The following METTL15 variants were observed in gnomAD, a reference collection of about 807,000 sequenced individuals.
METTL15 encodes the protein 12S rRNA N(4)-cytidine methyltransferase METTL15.
In METTL15, 34 loss-of-function variants were observed where a neutral mutation model predicts 38.3. That is an observed-to-expected ratio of 0.89 (90% CI 0.68 to 1.18). The LOEUF (loss-of-function observed/expected upper bound fraction) is 1.18, where lower values mean the gene tolerates loss of function less well. METTL15 is among the 50% of genes most tolerant of loss of function. METTL15 has a pLI of 0.00. For missense variants in METTL15, 438 were observed against 498.4 expected (o/e 0.88, Z 1.15); for synonymous variants, 162 against 170.9 (o/e 0.95, Z 0.41).
chr11:28,247,038 A>G (rs964906083), intron 4 of METTL15, among the ~76,000 whole-genome samples: 5 of 152,142 alleles, frequency 3.3e-5, no homozygotes, highest in South Asian at 2.1e-4. Context: ...TAAATACTGT[A>G]TTAGTATGAT....
intron 4 of METTL15, among the ~76,000 whole-genome samples, chr11:28,217,166 A>G (rs1306484399): frequency 6.6e-6 from 1 of 152,166 alleles, no homozygotes; most frequent in Non-Finnish European, 1.5e-5. Flanking sequence ...GAACTAGTTT[A>G]CAGTCCCACC....
intron 5 of METTL15, among the ~76,000 whole-genome samples, chr11:28,383,776 C>T (rs571789067): frequency 6.6e-6 from 1 of 152,162 alleles, no homozygotes; most frequent in African/African-American, 2.4e-5. Flanking sequence ...TCAAAAGTGT[C>T]TATTAGTGTC....
At chr11:28,459,624 T>C (rs1196066940) in intron 6 of METTL15, among the ~76,000 whole-genome samples, 1 of 152,206 alleles carries the variant, frequency 6.6e-6, no homozygotes, top group Non-Finnish European at 1.5e-5. Context: ...AAAGATCCCT[T>C]AAATGAATGT....
At position 28,373,958 on chromosome 11, in the gene METTL15, C is replaced by A. The variant is rs1410964922; in HGVS notation, c.*358+11922C>A. On this transcript the variant is annotated intron_variant and NMD_transcript_variant, in intron 5 of 7. Coordinates refer to the METTL15 transcript ENST00000532947. ...CATTGCTTGTTTTTGTCAGGTTTGT[C>A]AAAGATCAGATAGTTGTAGTTATGC... Among the ~76,000 whole-genome samples, 3 of 152,056 alleles carry A rather than the reference C, an allele frequency of 2.0e-5. No homozygotes were observed. The East Asian group carries it at 5.8e-4, about 29-fold the overall frequency.
chr11:28,487,640 T>A (rs982225441), intron 6 of METTL15, among the ~76,000 whole-genome samples: 5 of 152,108 alleles, frequency 3.3e-5, no homozygotes, highest in African/African-American at 9.6e-5. Context: ...CTTTTTAAAA[T>A]TTTTTATTTT....
chr11:28,315,515 T>A (rs1857447953), intron 6 of METTL15, among the ~76,000 whole-genome samples: 1 of 152,168 alleles, frequency 6.6e-6, no homozygotes, highest in Non-Finnish European at 1.5e-5. Context: ...TTTGGATAAT[T>A]TGCAGCCTGA....
intron 6 of METTL15, among the ~76,000 whole-genome samples, chr11:28,324,472 T>C (rs1435114518): frequency 6.6e-6 from 1 of 152,218 alleles, no homozygotes; most frequent in Non-Finnish European, 1.5e-5. Flanking sequence ...CCATTGCATG[T>C]ACAAATAATT....
chr11:28,399,541 T>C (rs1217862738), intron 5 of METTL15, among the ~76,000 whole-genome samples: 2 of 151,966 alleles, frequency 1.3e-5, no homozygotes, highest in African/African-American at 4.8e-5. Flanking sequence ...TCATTTATCT[T>C]CATAGCACAT....
Position 28,340,663 on chromosome 11 carries a change from C to G in METTL15, c.*190-11427C>G, listed in dbSNP as rs1331021689. 5.3e-5 allele frequency among the ~76,000 whole-genome samples: 8 copies of G among 152,138 alleles called. 1 individual carries two copies. Among genetic ancestry groups the G allele is most frequent in the Admixed American group, 5.2e-4 (8 of 15,262 alleles). On this transcript the variant is annotated intron_variant and NMD_transcript_variant, in intron 3 of 7. Transcript: ENST00000532947. ...GCTAGAATGGTGATCATTAAAAAGTCAGGAAACAACAGATCTGGAGAGGAT... is the reference window on the plus strand; with the variant it reads ...GCTAGAATGGTGATCATTAAAAAGTGAGGAAACAACAGATCTGGAGAGGAT...
intron 6 of METTL15, among the ~76,000 whole-genome samples, chr11:28,313,387 T>C (rs1048391226): frequency 3.3e-5 from 5 of 151,974 alleles, no homozygotes; most frequent in African/African-American, 1.2e-4. Context: ...TTCATAATCA[T>C]AAAGATCATG....
At chr11:28,136,842 C>A (rs2065513683) in intron 3 of METTL15, among the ~76,000 whole-genome samples, 1 of 151,280 alleles carries the variant, frequency 6.6e-6, no homozygotes, top group Non-Finnish European at 1.5e-5. Flanking sequence ...GGTTCAAAAG[C>A]ATGTGATATT....
chr11:28,392,067 A>T (rs1850514982), intron 5 of METTL15, among the ~76,000 whole-genome samples: 1 of 152,254 alleles, frequency 6.6e-6, no homozygotes, highest in South Asian at 2.1e-4. Context: ...TCTACTCTTC[A>T]GACAAAGGGC....
chr11:28,183,094 T>C (rs1190734557), intron 3 of METTL15, among the ~76,000 whole-genome samples: 1 of 152,154 alleles, frequency 6.6e-6, no homozygotes, highest in Non-Finnish European at 1.5e-5. Context: ...TTGTGATTTT[T>C]GCACATTGAT....
chr11:28,292,393 C>CT (rs764346073), intron 5 of METTL15, among the ~76,000 whole-genome samples: 6 of 151,926 alleles, frequency 3.9e-5, no homozygotes, highest in Non-Finnish European at 7.4e-5. Context: ...TGAACTCATC[C>CT]TTTTTTATGG....
At chr11:28,375,354 G>C (rs1340065298) in intron 5 of METTL15, among the ~76,000 whole-genome samples, 5 of 151,574 alleles carry the variant, frequency 3.3e-5, no homozygotes, top group Non-Finnish European at 5.9e-5. Context: ...GCCTGTTATT[G>C]GTCTATTCAG....
At chr11:28,201,076 A>G (rs1490920644) in intron 3 of METTL15, among the ~76,000 whole-genome samples, 2 of 152,154 alleles carry the variant, frequency 1.3e-5, no homozygotes, top group African/African-American at 4.8e-5. Context: ...TTATTTTGAG[A>G]TATATTCCAT....
At chr11:28,231,290 A>G (rs1487058903) in intron 4 of METTL15, among the ~76,000 whole-genome samples, 2 of 151,910 alleles carry the variant, frequency 1.3e-5, no homozygotes, top group Non-Finnish European at 2.9e-5. Context: ...TGGAATAACT[A>G]TGTTATTTAA....
intron 4 of METTL15, among the ~76,000 whole-genome samples, chr11:28,213,733 G>A: frequency 6.8e-6 from 1 of 146,600 alleles, no homozygotes; most frequent in East Asian, 2.0e-4. Flanking sequence ...TCGGCTCACT[G>A]CAAGGTCCGC....
chr11:28,156,809 C>T (rs2133732353), intron 3 of METTL15, among the ~76,000 whole-genome samples: 1 of 152,144 alleles, frequency 6.6e-6, no homozygotes, highest in East Asian at 1.9e-4. Context: ...TTATTTTATA[C>T]TTTGGTAGCT....
Sources: allele counts gnomAD v4.1 joint callset (sites outside exome capture counted in the v4.1 genomes callset), GRCh38; gene constraint gnomAD v4.1.1; transcripts MANE v1.5; gene names NCBI Gene and HGNC (gene_info 2026-07-23, HGNC 2026-07-21).